Variants in FBLN2 observed in about 807,000 individuals in gnomAD.
The protein encoded by FBLN2 is fibulin-2.
FBLN2 carries 81 observed loss-of-function variants against 123.7 expected under a neutral mutation model. That is an observed-to-expected ratio of 0.65 (90% CI 0.55 to 0.79). The LOEUF is 0.79. Ranked by LOEUF, FBLN2 falls within the 30% of genes least tolerant of loss-of-function variation. FBLN2 has a pLI of 0.00. For missense variants in FBLN2, 1,603 were observed against 1,681.3 expected (o/e 0.95, Z 0.81); for synonymous variants, 699 against 701.4 (o/e 1.00, Z 0.05).
In FBLN2 at chr3:13,591,031, T is replaced by A. The variant is rs78435085; in HGVS notation, c.1307-17031T>A. The stretch of plus-strand genomic sequence containing the variant: ...AATTTGCATCCCTACCAGCCATGCA[T>A]GAGAGTTCCATTTGCTCCACATTTC... On this transcript the variant is annotated intron_variant, in intron 2 of 17. Transcript: ENST00000404922. 4.4e-4 allele frequency among the ~76,000 whole-genome samples: 67 copies of A among 152,374 alleles called. No homozygotes were observed. In the East Asian group the frequency reaches 9.8e-3, roughly 22 times the overall value.
chr3:13,634,339 C>T (rs897148075), intron 16 of FBLN2, among the ~76,000 whole-genome samples: 3 of 152,216 alleles, frequency 2.0e-5, no homozygotes, highest in East Asian at 3.9e-4. Flanking sequence ...CTGGCAGCGC[C>T]GATGGGCGAG....
chr3:13,550,170 C>T (rs959444541), intron 1 of FBLN2, among the ~76,000 whole-genome samples: 12 of 152,218 alleles, frequency 7.9e-5, no homozygotes, highest in African/African-American at 2.9e-4. Flanking sequence ...CATGGGCAGT[C>T]CTCCCCTGTC....
Position 13,628,980 on chromosome 3 carries a change from C to T in FBLN2, c.2645C>T (p.Thr882Ile), listed in dbSNP as rs535304469. The T allele has an allele frequency of 3.2e-5, 51 of 1,613,618 alleles. No individual in the cohort carries two copies. Among genetic ancestry groups the T allele is most frequent in the East Asian group, 6.7e-5 (3 of 44,870 alleles). The change falls in exon 12 of 18, where the codon ACA becomes ATA. Residue 882 changes from threonine (T) to isoleucine (I), a missense_variant. Thr to Ile is a moderately conservative substitution (Grantham distance 89). Transcript: ENST00000404922. ...FSCINTVGSY[T>I]CQRNPLICAR... ...TGCATCAACACGGTGGGCTCCTACACATGCCAGAGGAACCCGCTGATCTGC... is the reference window on the plus strand; with the variant it reads ...TGCATCAACACGGTGGGCTCCTACATATGCCAGAGGAACCCGCTGATCTGC...
intron 2 of FBLN2, among the ~76,000 whole-genome samples, chr3:13,579,956 C>A (rs1450759917): frequency 1.3e-5 from 2 of 151,902 alleles, no homozygotes; most frequent in African/African-American, 4.9e-5. Flanking sequence ...TCCTTTGTGC[C>A]CCTCCTAGGA....
chr3:13,597,284 C>G (rs915366922), intron 2 of FBLN2, among the ~76,000 whole-genome samples: 7 of 152,158 alleles, frequency 4.6e-5, no homozygotes, highest in African/African-American at 1.7e-4. Flanking sequence ...GTTTTCTGAT[C>G]ATACTACCTT....
At position 13,603,249 on chromosome 3, in the gene FBLN2, T is replaced by TAA. The variant is rs1553620101; in HGVS notation, c.1307-4812_1307-4811dup. 9.3e-5 allele frequency among the ~76,000 whole-genome samples: 14 copies of TAA among 149,756 alleles called. No homozygotes were observed. The East Asian group carries it at 1.2e-3, about 13-fold the overall frequency. ...CTTTTTTTTTAAGTTTTTTTTTTTT[T>TAA]AATTATACTTTAAGTTCTAGGGTAC... On this transcript the variant is annotated intron_variant, in intron 2 of 17. Transcript: ENST00000404922.
At chr3:13,624,192 T>C (rs932954669) in intron 9 of FBLN2, among the ~76,000 whole-genome samples, 1 of 152,206 alleles carries the variant, frequency 6.6e-6, no homozygotes, top group African/African-American at 2.4e-5. Context: ...CTTCCGTTCT[T>C]GATCTGCCAC....
At chr3:13,596,785 C>A (rs537181527) in intron 2 of FBLN2, among the ~76,000 whole-genome samples, 70 of 152,164 alleles carry the variant, frequency 4.6e-4, no homozygotes, top group African/African-American at 1.7e-3. Context: ...CTCTAAGGAC[C>A]CCATACAAGT....
chr3:13,603,950 T>C (rs539504804), intron 2 of FBLN2, among the ~76,000 whole-genome samples: 1 of 152,166 alleles, frequency 6.6e-6, no homozygotes. Flanking sequence ...GAGATGGTAT[T>C]TCATTGTGGT....
intron 2 of FBLN2, among the ~76,000 whole-genome samples, chr3:13,602,187 G>T (rs1203512212): frequency 6.6e-6 from 1 of 152,084 alleles, no homozygotes; most frequent in African/African-American, 2.4e-5. Flanking sequence ...GTGTGATGTG[G>T]GTCCCAGCAT....
At chr3:13,553,662 C>G (rs911921963) in intron 1 of FBLN2, among the ~76,000 whole-genome samples, 1 of 152,234 alleles carries the variant, frequency 6.6e-6, no homozygotes, top group African/African-American at 2.4e-5. Context: ...TGTTGCAAAG[C>G]AAGTGCTGGT....
At chr3:13,581,452 G>A (rs1704324971) in intron 2 of FBLN2, among the ~76,000 whole-genome samples, 1 of 152,144 alleles carries the variant, frequency 6.6e-6, no homozygotes, top group African/African-American at 2.4e-5. Context: ...AAAGACAGCA[G>A]GAATTTATCA....
At chr3:13,615,704 G>T (rs1023459873) in intron 5 of FBLN2, among the ~76,000 whole-genome samples, 1 of 152,214 alleles carries the variant, frequency 6.6e-6, no homozygotes, top group Admixed American at 6.5e-5. Context: ...TACCGTTGCC[G>T]TGCTTCAGCA....
chr3:13,578,670 T>C (rs1353100841), intron 2 of FBLN2, among the ~76,000 whole-genome samples: 1 of 152,056 alleles, frequency 6.6e-6, no homozygotes, highest in Non-Finnish European at 1.5e-5. Context: ...AAGTTTATTA[T>C]ATGGACACAT....
chr3:13,635,680 G>A (rs960132585), intron 16 of FBLN2, among the ~76,000 whole-genome samples: 3 of 152,194 alleles, frequency 2.0e-5, no homozygotes, highest in Non-Finnish European at 4.4e-5. Context: ...TCTCGGAGTC[G>A]GGACTTGCAA....
intron 1 of FBLN2, among the ~76,000 whole-genome samples, chr3:13,556,690 C>T (rs1451911291): frequency 6.6e-6 from 1 of 152,216 alleles, no homozygotes; most frequent in Non-Finnish European, 1.5e-5. Flanking sequence ...CCTCTTTGGC[C>T]CTAGACGTTG....
At chr3:13,581,592 G>A (rs191516565) in intron 2 of FBLN2, among the ~76,000 whole-genome samples, 118 of 152,294 alleles carry the variant, frequency 7.7e-4, no homozygotes, top group Non-Finnish European at 1.5e-3. Context: ...TGTGTTGGCA[G>A]CCAGTCAAGA....
intron 5 of FBLN2, among the ~76,000 whole-genome samples, chr3:13,617,436 A>G (rs1471005976): frequency 6.6e-6 from 1 of 151,144 alleles, no homozygotes; most frequent in African/African-American, 2.4e-5. Context: ...CTACCCATCC[A>G]TCTATCCATC....
intron 1 of FBLN2, among the ~76,000 whole-genome samples, chr3:13,553,641 T>C (rs1703385328): frequency 1.3e-5 from 2 of 152,212 alleles, no homozygotes; most frequent in Non-Finnish European, 2.9e-5. Context: ...TCTCCCCTCA[T>C]ATATGGAGAT....
Sources: gnomAD v4.1 joint callset for allele counts (sites outside exome capture counted in the v4.1 genomes callset) on GRCh38, gnomAD v4.1.1 for gene constraint, MANE v1.5 for transcripts, NCBI Gene and HGNC (gene_info 2026-07-23, HGNC 2026-07-21) for gene names.